Variants in CASZ1 observed in about 807,000 individuals in gnomAD.
The protein encoded by CASZ1 is zinc finger protein castor homolog 1.
In CASZ1, 28 loss-of-function variants were observed where a neutral mutation model predicts 135.2. The ratio of observed to expected loss-of-function variants is 0.21; its 90% CI spans 0.15 to 0.28. The LOEUF is 0.28. CASZ1 is among the 10% of genes least tolerant of loss of function. The pLI is 1.00. For missense variants in CASZ1, 2,161 were observed against 2,453.3 expected (o/e 0.88, Z 2.52); for synonymous variants, 1,068 against 1,073.4 (o/e 0.99, Z 0.10).
chr1:10,644,456 C>A (rs918543987), intron 18 of CASZ1, among the ~76,000 whole-genome samples: 5 of 152,192 alleles, frequency 3.3e-5, no homozygotes, highest in Non-Finnish European at 7.3e-5. Flanking sequence ...CAGCCTGGCA[C>A]ACAGCTGTCC....
At position 10,647,249 on chromosome 1, in the gene CASZ1, A is replaced by C; in HGVS notation, c.3497+552T>G. The C allele has an allele frequency of 1.0e-6, 1 of 994,004 alleles. No homozygotes were observed. The highest frequency in any genetic ancestry group is 1.2e-6 in the Non-Finnish European group (1 of 834,350). 61.6% of individuals were successfully genotyped at this position (994,004 alleles called of 1,614,324 possible). A position where few individuals can be genotyped will look rare whatever the true frequency, so the allele number is the denominator to read the frequency against. On this transcript the variant is annotated intron_variant, in intron 16 of 20. Coordinates refer to ENST00000377022, the MANE Select transcript of CASZ1 (RefSeq NM_001079843.3). The surrounding 1 kb of genome is among the most constrained non-coding windows in gnomAD (Gnocchi z 4.9). ...ATTTATTACTTTTATTGAGAACAGG[A>C]AGCCGCACACATGACAATACAAAGT...
intron 2 of CASZ1, among the ~76,000 whole-genome samples, chr1:10,716,213 A>ACCCAATCTGCTCCCCACAGCC (rs1639390022): frequency 7.9e-6 from 1 of 126,648 alleles, no homozygotes; most frequent in Non-Finnish European, 1.7e-5. Flanking sequence ...TCCCCACAGC[A>ACCCAATCTGCTCCCCACAGCC]CCCAATCCAC....
In CASZ1 at chr1:10,759,889, C is replaced by T. The variant is rs921062745; in HGVS notation, c.-77+812G>A. Among the ~76,000 whole-genome samples, 6 of 152,178 alleles carry T rather than the reference C, an allele frequency of 3.9e-5. No homozygotes were observed. The highest frequency in any genetic ancestry group is 2.1e-4 in the South Asian group (1 of 4,834). On this transcript the variant is annotated intron_variant, in intron 2 of 20. Coordinates refer to ENST00000377022, the MANE Select transcript of CASZ1 (RefSeq NM_001079843.3). The surrounding 1 kb of genome is among the most constrained non-coding windows in gnomAD (Gnocchi z 4.2). ...ACCCCTAGACCTTGCCCGTGAACTT[C>T]GCAAACACCCAATCCCTCTGGACTG...
chr1:10,781,418 G>A (rs770797287), intron 1 of CASZ1, among the ~76,000 whole-genome samples: 3 of 152,206 alleles, frequency 2.0e-5, no homozygotes, highest in African/African-American at 4.8e-5. Context: ...CCAAGATGGC[G>A]CCAGTGCTTG....
chr1:10,681,754 G>A (rs1310973588), intron 4 of CASZ1, among the ~76,000 whole-genome samples: 4 of 152,210 alleles, frequency 2.6e-5, no homozygotes, highest in African/African-American at 9.6e-5. Context: ...CCCCAGGGAC[G>A]TGGCCTGGCT....
In CASZ1 at chr1:10,679,278, C is replaced by T. The variant is rs533513730; in HGVS notation, c.17-13707G>A. ...CTCCAGGACAGAGCCTAGTCCCAAACCTGAGGCAGACAGGTCTCCTGGGCC... is the reference window on the plus strand; with the variant it reads ...CTCCAGGACAGAGCCTAGTCCCAAATCTGAGGCAGACAGGTCTCCTGGGCC... On this transcript the variant is annotated intron_variant, in intron 4 of 20. Coordinates refer to ENST00000377022, the MANE Select transcript of CASZ1 (RefSeq NM_001079843.3). The surrounding 1 kb of genome is among the most constrained non-coding windows in gnomAD (Gnocchi z 4.7). 2.6e-4 allele frequency among the ~76,000 whole-genome samples: 39 copies of T among 152,348 alleles called. 1 individual carries two copies. The East Asian group carries it at 6.2e-3, about 24-fold the overall frequency.
rs146927063 is a variant in CASZ1 at position 10,784,649 on chromosome 1, C to T, written c.-234+11915G>A. Among the ~76,000 whole-genome samples the T allele has an allele frequency of 1.1e-4, 16 of 152,250 alleles. No homozygotes were observed. The East Asian group carries it at 2.3e-3, about 22-fold the overall frequency. ...TATGATCTCAGTTCACTGCAACCTCCGCCATCTGGGTTCAAACAATTCTCC... is the reference window on the plus strand; with the variant it reads ...TATGATCTCAGTTCACTGCAACCTCTGCCATCTGGGTTCAAACAATTCTCC... On this transcript the variant is annotated intron_variant, in intron 1 of 20. Coordinates refer to ENST00000377022, the MANE Select transcript of CASZ1 (RefSeq NM_001079843.3).
chr1:10,667,982 C>T (rs1025601012), intron 4 of CASZ1, among the ~76,000 whole-genome samples: 2 of 152,112 alleles, frequency 1.3e-5, no homozygotes, highest in East Asian at 1.9e-4. Context: ...CCGACTCCCC[C>T]GGCACCTGCC....
At chr1:10,746,391 A>G (rs1042036229) in intron 2 of CASZ1, among the ~76,000 whole-genome samples, 3 of 152,240 alleles carry the variant, frequency 2.0e-5, no homozygotes, top group Non-Finnish European at 2.9e-5. Context: ...ATAAAAAGCC[A>G]ACCACAGGCT....
rs1007919197 is a variant in CASZ1 at position 10,697,309 on chromosome 1, G to T, written c.-23-3397C>A. ...ACCAAGAGGAGAGGCATCTTTTGAG[G>T]CTATGGCCCATCTTTGCCTTGAGGA... On this transcript the variant is annotated intron_variant, in intron 3 of 20. Transcript: ENST00000377022. The surrounding 1 kb of genome is among the most constrained non-coding windows in gnomAD (Gnocchi z 4.7). Among the ~76,000 whole-genome samples, 1 of 151,938 alleles carries T rather than the reference G, an allele frequency of 6.6e-6. No homozygotes were observed. Among genetic ancestry groups the T allele is most frequent in the Non-Finnish European group, 1.5e-5 (1 of 67,986 alleles).
chr1:10,726,401 T>G lies in CASZ1; in HGVS notation c.-76-20857A>C, dbSNP rs1639597829. Among the ~76,000 whole-genome samples the G allele has an allele frequency of 6.6e-6, 1 of 152,188 alleles. No homozygotes were observed. The highest frequency in any genetic ancestry group is 1.5e-5 in the Non-Finnish European group (1 of 68,026). On this transcript the variant is annotated intron_variant, in intron 2 of 20. Transcript: ENST00000377022. The surrounding 1 kb of genome is among the most constrained non-coding windows in gnomAD (Gnocchi z 5.7). ...CTACTCCGTATCTCCTTTCAGAAGA[T>G]GCTATGAAATACTCATGGCCATCAC...
rs1040915264 is a variant in CASZ1 at position 10,639,958 on chromosome 1, G to C, written c.4264C>G (p.Arg1422Gly). ...FGKRRKTASSRKMLDEGMMLE... is the reference protein window; with the variant it reads ...FGKRRKTASSGKMLDEGMMLE... ...ATCATGCCCTCGTCCAGCATCTTCC[G>C]GGAGGACGCCGTCTTCCGCCGCTTG... Residue 1422 changes from arginine (R) to glycine (G), a missense_variant, in exon 21 of 21, where the codon CGG becomes GGG. Physicochemically the swap from Arg to Gly is moderately radical, Grantham distance 125 (BLOSUM62 -2). Coordinates refer to ENST00000377022, the MANE Select transcript of CASZ1 (RefSeq NM_001079843.3). The surrounding 1 kb of genome is among the most constrained non-coding windows in gnomAD (Gnocchi z 4.0). 1.2e-6 allele frequency: 2 copies of C among 1,612,816 alleles called. No homozygotes were observed. Among genetic ancestry groups the C allele is most frequent in the Non-Finnish European group, 1.7e-6 (2 of 1,180,024 alleles).
At chr1:10,650,778 C>T (rs746898193) in intron 12 of CASZ1, 23 bp from the exon 13 acceptor site, 2 of 1,605,800 alleles carry the variant, frequency 1.2e-6, no homozygotes, top group South Asian at 2.2e-5. Context: ...AACCAAGGGA[C>T]TTGAGCTCAG....
chr1:10,792,548 T>C (rs553761601), intron 1 of CASZ1, among the ~76,000 whole-genome samples: 2 of 152,132 alleles, frequency 1.3e-5, no homozygotes, highest in East Asian at 3.9e-4. Context: ...CAAAGGATCA[T>C]TAGGAAATGC....
chr1:10,714,883 G>A (rs1639349370), intron 2 of CASZ1, among the ~76,000 whole-genome samples: 1 of 151,240 alleles, frequency 6.6e-6, no homozygotes, highest in Non-Finnish European at 1.5e-5. Flanking sequence ...GAGCTGCCTT[G>A]TCTCCACCCA....
chr1:10,789,588 A>C (rs10864471), intron 1 of CASZ1, among the ~76,000 whole-genome samples: 1 of 143,698 alleles, frequency 7.0e-6, no homozygotes, highest in Non-Finnish European at 1.5e-5. Context: ...CCGCACCTTC[A>C]CTCTCTTTCT....
intron 20 of CASZ1, among the ~76,000 whole-genome samples, chr1:10,641,115 C>T (rs1361034236): frequency 6.6e-6 from 1 of 152,260 alleles, no homozygotes; most frequent in Non-Finnish European, 1.5e-5. Flanking sequence ...CAAATGTCTG[C>T]CCTGCCCATT....
intron 1 of CASZ1, among the ~76,000 whole-genome samples, chr1:10,761,295 C>G (rs1196823886): frequency 6.6e-6 from 1 of 152,218 alleles, no homozygotes; most frequent in East Asian, 1.9e-4. Context: ...AACGCCTGCT[C>G]CCTCCAGACT....
At chr1:10,753,887 G>T (rs1640196323) in intron 2 of CASZ1, among the ~76,000 whole-genome samples, 2 of 152,140 alleles carry the variant, frequency 1.3e-5, no homozygotes, top group African/African-American at 4.8e-5. Context: ...TCTTCAAAAA[G>T]CTTCTTATTT....
Sources: gnomAD v4.1 joint callset for allele counts (sites outside exome capture counted in the v4.1 genomes callset) on GRCh38, gnomAD v4.1.1 for gene constraint, Gnocchi (gnomAD v3.1) non-coding constraint, MANE v1.5 for transcripts, NCBI Gene and HGNC (gene_info 2026-07-23, HGNC 2026-07-21) for gene names.